The following GRM7 variants were observed in gnomAD, a reference collection of about 807,000 sequenced individuals.
GRM7 encodes glutamate metabotropic receptor 7.
In GRM7, 35 loss-of-function variants were observed where a neutral mutation model predicts 84.5. The observed-to-expected ratio is 0.41, with a 90% CI of 0.32 to 0.55. The LOEUF is 0.55. Among genes scored for constraint, GRM7 ranks in the 20% least tolerant of loss-of-function variants. GRM7 has a pLI of 0.19. For synonymous variants in GRM7, 487 were observed against 455.1 expected, an observed-to-expected ratio of 1.07 and a Z score of -0.89; for missense variants, 1,003 against 1,194.6, an observed-to-expected ratio of 0.84 and a Z score of 2.36.
chr3:7,049,119 G>A lies in GRM7; in HGVS notation c.520-97333G>A, dbSNP rs80169604. On this transcript the variant is annotated intron_variant, in intron 1 of 9. Coordinates refer to ENST00000357716, the MANE Select transcript of GRM7 (RefSeq NM_000844.4). Reference sequence around the variant, plus strand: ...CACTCCTCTCACGTTAGTTCATTAAGCAAATGTTTATTGAGAGTTCACTAT... The same window carrying A: ...CACTCCTCTCACGTTAGTTCATTAAACAAATGTTTATTGAGAGTTCACTAT... Among the ~76,000 whole-genome samples the A allele has an allele frequency of 6.5e-3, 987 of 152,090 alleles. 5 individuals carry two copies. Among genetic ancestry groups the A allele is most frequent in the Non-Finnish European group, 0.011 (763 of 67,936 alleles).
intron 5 of GRM7, among the ~76,000 whole-genome samples, chr3:7,436,036 G>A (rs535208556): frequency 2.0e-5 from 3 of 151,390 alleles, no homozygotes; most frequent in Non-Finnish European, 2.9e-5. Flanking sequence ...TAGTAGAGAC[G>A]AAGTTTCACC....
At chr3:7,249,896 G>A (rs1053728800) in intron 2 of GRM7, among the ~76,000 whole-genome samples, 6 of 152,136 alleles carry the variant, frequency 3.9e-5, no homozygotes, top group African/African-American at 1.2e-4. Context: ...TGTTGAGATT[G>A]GTACCAGGTG....
At chr3:7,599,898 A>C (rs565357554) in intron 8 of GRM7, among the ~76,000 whole-genome samples, 1 of 152,060 alleles carries the variant, frequency 6.6e-6, no homozygotes, top group African/African-American at 2.4e-5. Context: ...TAGGCTATTG[A>C]GGCCCTTTGA....
chr3:7,627,665 T>C lies in GRM7; in HGVS notation c.2451+48308T>C, dbSNP rs148188882. On this transcript the variant is annotated intron_variant, in intron 8 of 9. Transcript: ENST00000357716. ...GCTGCCTTCACAAAGTATTACGAACTGGGTGGTGGAAACAACAGAAATTTA... is the reference window on the plus strand; with the variant it reads ...GCTGCCTTCACAAAGTATTACGAACCGGGTGGTGGAAACAACAGAAATTTA... Among the ~76,000 whole-genome samples, 47 of 152,258 alleles carry C rather than the reference T, an allele frequency of 3.1e-4. 1 individual carries two copies. Among genetic ancestry groups the C allele is most frequent in the African/African-American group, 1.1e-3 (46 of 41,564 alleles).
intron 1 of GRM7, among the ~76,000 whole-genome samples, chr3:7,140,266 A>T (rs191292312): frequency 6.6e-6 from 1 of 152,072 alleles, no homozygotes; most frequent in Non-Finnish European, 1.5e-5. Flanking sequence ...AAAGGTAGGT[A>T]GTATGTCAGA....
intron 1 of GRM7, among the ~76,000 whole-genome samples, chr3:7,093,976 C>T (rs1012438572): frequency 8.5e-5 from 13 of 152,090 alleles, no homozygotes; most frequent in African/African-American, 3.1e-4. Flanking sequence ...ACTAATTAGA[C>T]AGTTTAGGTA....
At chr3:7,485,260 G>C (rs1418725078) in intron 7 of GRM7, among the ~76,000 whole-genome samples, 1 of 152,188 alleles carries the variant, frequency 6.6e-6, no homozygotes, top group African/African-American at 2.4e-5. Flanking sequence ...TTGTTACACA[G>C]CAGTCAATAA....
intron 1 of GRM7, among the ~76,000 whole-genome samples, chr3:6,874,946 T>A (rs1695249025): frequency 6.6e-6 from 1 of 152,212 alleles, no homozygotes; most frequent in South Asian, 2.1e-4. Flanking sequence ...ATTCTTACAT[T>A]CTACACATGA....
chr3:7,445,067 C>T (rs1338409355), intron 5 of GRM7, among the ~76,000 whole-genome samples: 1 of 152,068 alleles, frequency 6.6e-6, no homozygotes, highest in South Asian at 2.1e-4. Context: ...TTGTTCTGGG[C>T]GTTAACTTTT....
chr3:6,868,232 A>G (rs1434487355), intron 1 of GRM7, among the ~76,000 whole-genome samples: 1 of 152,158 alleles, frequency 6.6e-6, no homozygotes, highest in East Asian at 1.9e-4. Context: ...CTGGATTCAA[A>G]CTTGTCAGAT....
chr3:7,547,194 CTTTTTTTTTTTTTTTT>C (rs55678792), intron 7 of GRM7, among the ~76,000 whole-genome samples: 1 of 76,430 alleles, frequency 1.3e-5, no homozygotes, highest in Admixed American at 1.6e-4. Flanking sequence ...AGAGTGAATT[CTTTTTTTTTTTTTTTT>C]TTTTTTTTTT....
At position 7,260,764 on chromosome 3, in the gene GRM7, G is replaced by T. The variant is rs554685895; in HGVS notation, c.737-37920G>T. ...TTATTTCTTGTCTTCTGTTAGCTTT[G>T]CAATTGGTTTGTTCTTGCTTCTCTA... On this transcript the variant is annotated intron_variant, in intron 2 of 9. Transcript: ENST00000357716. 8.0e-5 allele frequency among the ~76,000 whole-genome samples: 12 copies of T among 150,172 alleles called. 1 individual carries two copies. The South Asian group carries it at 2.5e-3, about 32-fold the overall frequency.
Position 7,630,613 on chromosome 3 carries a change from C to T in GRM7, c.2452-49436C>T, listed in dbSNP as rs374127282. Among the ~76,000 whole-genome samples, 212 of 152,258 alleles carry T rather than the reference C, an allele frequency of 1.4e-3. 5 individuals are homozygous for T. The South Asian group carries it at 0.042, about 30-fold the overall frequency. On this transcript the variant is annotated intron_variant, in intron 8 of 9. Transcript: ENST00000357716. ...ACAGGTTTGGCTTGTCCTGAGGACC[C>T]ATTAGAAGGTGACATCATACTGCCT...
intron 1 of GRM7, among the ~76,000 whole-genome samples, chr3:7,058,566 T>C (rs1559411685): frequency 1.3e-5 from 2 of 151,920 alleles, no homozygotes; most frequent in South Asian, 4.1e-4. Flanking sequence ...TATATATCAT[T>C]GTGTTTTATT....
intron 1 of GRM7, among the ~76,000 whole-genome samples, chr3:7,057,415 A>T (rs946378616): frequency 1.3e-5 from 2 of 151,946 alleles, no homozygotes; most frequent in Non-Finnish European, 2.9e-5. Flanking sequence ...AAAATATGAG[A>T]CGTTTCAATT....
chr3:7,556,818 A>C (rs1011939986), intron 7 of GRM7, among the ~76,000 whole-genome samples: 5 of 152,148 alleles, frequency 3.3e-5, no homozygotes, highest in African/African-American at 1.2e-4. Flanking sequence ...TGAGGCATTG[A>C]AGGCTGGAGG....
chr3:7,626,587 G>C (rs1480286484), intron 8 of GRM7, among the ~76,000 whole-genome samples: 2 of 152,192 alleles, frequency 1.3e-5, no homozygotes, highest in Non-Finnish European at 2.9e-5. Flanking sequence ...GCTGCAGACA[G>C]CAATGCTTGG....
At chr3:7,617,545 AG>A (rs1163323672) in intron 8 of GRM7, among the ~76,000 whole-genome samples, 1 of 152,140 alleles carries the variant, frequency 6.6e-6, no homozygotes, top group Non-Finnish European at 1.5e-5. Context: ...GAAGCCATAA[AG>A]CAAAAGATCG....
chr3:7,508,243 A>T (rs1700094266), intron 7 of GRM7, among the ~76,000 whole-genome samples: 1 of 152,146 alleles, frequency 6.6e-6, no homozygotes, highest in South Asian at 2.1e-4. Context: ...AGAGGTGAAA[A>T]TCAGATTTAT....
Sources: allele counts gnomAD v4.1 joint callset (sites outside exome capture counted in the v4.1 genomes callset), GRCh38; gene constraint gnomAD v4.1.1; transcripts MANE v1.5; gene names NCBI Gene and HGNC (gene_info 2026-07-23, HGNC 2026-07-21).